NPR1: variants seen among roughly 807,000 people sequenced by gnomAD.
The protein encoded by NPR1 is natriuretic peptide receptor 1.
NPR1 carries 57 observed loss-of-function variants against 116.9 expected under a neutral mutation model. That is an observed-to-expected ratio of 0.49 (90% CI 0.39 to 0.61). NPR1 has a LOEUF of 0.61. Among genes scored for constraint, NPR1 ranks in the 20% least tolerant of loss-of-function variants. NPR1 has a pLI of 0.00. For missense variants in NPR1, 1,096 were observed against 1,409.8 expected (o/e 0.78, Z 3.56); for synonymous variants, 555 against 601.6 (o/e 0.92, Z 1.13).
intron 7 of NPR1, among the ~76,000 whole-genome samples, chr1:153,684,333 G>T (rs1301542661): frequency 3.3e-5 from 5 of 151,598 alleles, no homozygotes; most frequent in Admixed American, 3.3e-4. Context: ...AATCACTGCT[G>T]GTTGAGCATA....
Position 153,679,236 on chromosome 1 carries a change from T to C in NPR1, c.128T>C (p.Leu43Pro), listed in dbSNP as rs1380553055. The C allele has an allele frequency of 6.6e-7, 1 of 1,526,376 alleles. No individual in the cohort carries two copies. Among genetic ancestry groups the C allele is most frequent in the Non-Finnish European group, 8.8e-7 (1 of 1,141,420 alleles). 94.6% of individuals were successfully genotyped at this position (1,526,376 alleles called of 1,614,324 possible). Residue 43 changes from leucine to proline, a missense_variant, in exon 1 of 22, where the codon CTG becomes CCG. Transcript: ENST00000368680. The surrounding 1 kb of genome is among the most constrained non-coding windows in gnomAD (Gnocchi z 4.2). ...GNLTVAVVLP[L>P]ANTSYPWSWA... ...CTGACGGTAGCCGTGGTACTGCCGC[T>C]GGCCAATACCTCGTACCCCTGGTCG...
In NPR1 at chr1:153,679,791, A is replaced by G; in HGVS notation, c.683A>G (p.Tyr228Cys). The G allele has an allele frequency of 6.4e-7, 1 of 1,552,816 alleles. No homozygotes were observed. Among genetic ancestry groups the G allele is most frequent in the Non-Finnish European group, 8.7e-7 (1 of 1,153,342 alleles). Residue 228 changes from tyrosine to cysteine, a missense_variant, in exon 1 of 22, where the codon TAC becomes TGC. Tyr to Cys is a radical substitution (Grantham distance 194, BLOSUM62 -2). Coordinates refer to ENST00000368680, the MANE Select transcript of NPR1 (RefSeq NM_000906.4). The surrounding 1 kb of genome is among the most constrained non-coding windows in gnomAD (Gnocchi z 4.2). ...TTCGCCGAGGACGACCTCAGCCACT[A>G]CACCAGGCTGCTGCGGACCATGCCG... Reference protein sequence around the residue: ...LEFAEDDLSHYTRLLRTMPRK... With the variant: ...LEFAEDDLSHCTRLLRTMPRK...
Position 153,682,578 on chromosome 1 carries a change from G to T in NPR1, c.1252G>T (p.Gly418Cys). The T allele has an allele frequency of 6.2e-7, 1 of 1,613,452 alleles. No individual in the cohort carries two copies. The highest frequency in any genetic ancestry group is 8.5e-7 in the Non-Finnish European group (1 of 1,179,476). The change falls in exon 5 of 22, where the codon GGT (glycine) becomes TGT (cysteine). Residue 418 changes from glycine to cysteine, a missense_variant. By Grantham distance (159) the Gly-to-Cys change is radical. Coordinates refer to ENST00000368680, the MANE Select transcript of NPR1 (RefSeq NM_000906.4). ...FSLWDMDPEN[G>C]AFRVVLNYNG... ...CCTCTGGGATATGGATCCCGAGAATGGTGCCTTCAGGGTAAGTTTGTGCAC... is the reference window on the plus strand; with the variant it reads ...CCTCTGGGATATGGATCCCGAGAATTGTGCCTTCAGGGTAAGTTTGTGCAC...
chr1:153,691,848 G>T (rs979497528), intron 20 of NPR1, among the ~76,000 whole-genome samples: 1 of 151,192 alleles, frequency 6.6e-6, no homozygotes, highest in African/African-American at 2.4e-5. Context: ...GCAGTGAGCC[G>T]AGACTGCACC....
intron 20 of NPR1, among the ~76,000 whole-genome samples, chr1:153,691,441 T>C (rs1571354299): frequency 6.6e-6 from 1 of 152,332 alleles, no homozygotes; most frequent in South Asian, 2.1e-4. Context: ...GAGAAATTCA[T>C]GTGGACCCCA....
intron 2 of NPR1, chr1:153,680,954 C>A (rs534939534): frequency 3.4e-6 from 2 of 596,014 alleles, no homozygotes; most frequent in Admixed American, 6.0e-5. Context: ...GGGCTTGAGG[C>A]GGGAGGAGGA....
At chr1:153,684,318 A>G (rs1204678654) in intron 7 of NPR1, among the ~76,000 whole-genome samples, 1 of 151,058 alleles carries the variant, frequency 6.6e-6, no homozygotes, top group East Asian at 2.0e-4. Context: ...GAGGGAGGGG[A>G]GAAAAATCAC....
chr1:153,690,162 C>T (rs933874259), intron 19 of NPR1, 122 bp from the exon 20 acceptor site: 2 of 818,808 alleles, frequency 2.4e-6, no homozygotes, highest in African/African-American at 1.7e-5. Context: ...CACACACACA[C>T]ACACAGAGCT....
At chr1:153,681,136 TAGTC>T (rs754144918) in intron 2 of NPR1, 40 bp from the exon 3 acceptor site, 1 of 1,221,094 alleles carries the variant, frequency 8.2e-7, no homozygotes, top group African/African-American at 1.5e-5. Context: ...TACTAGGGAA[TAGTC>T]AGCTCCCAAC....
At chr1:153,688,899 G>T (rs1201172775) in intron 15 of NPR1, 54 bp from the exon 16 acceptor site, 8 of 481,958 alleles carry the variant, frequency 1.7e-5, no homozygotes, top group East Asian at 4.3e-4. Context: ...GGGCGCTCAC[G>T]GTAGGCTGTG....
rs755769269 is a variant in NPR1, at chr1:153,689,501, G to A, written c.2737G>A (p.Asp913Asn). 3 of 1,614,140 alleles carry A rather than the reference G, an allele frequency of 1.9e-6. No individual in the cohort carries two copies. Among genetic ancestry groups the A allele is most frequent in the Non-Finnish European group, 2.5e-6 (3 of 1,180,016 alleles). The stretch of plus-strand genomic sequence containing the variant: ...GTACACTTGCTTTGATGCTGTCATA[G>A]ACAACTTTGATGTGTACAAGGTGAG... ...DLYTCFDAVI[D>N]NFDVYKVETI... The change falls in exon 18 of 22, where the codon GAC becomes AAC. Residue 913 changes from aspartate (D) to asparagine (N), a missense_variant. By Grantham distance (23) the Asp-to-Asn change is conservative (BLOSUM62 1). Transcript: ENST00000368680. This position sits in a 1 kb window ranked among gnomAD's most constrained non-coding sequence, Gnocchi z 5.1.
chr1:153,688,954 G>T lies in NPR1; in HGVS notation c.2419G>T (p.Glu807Ter). 1.9e-6 allele frequency: 3 copies of T among 1,614,042 alleles called. No homozygotes were observed. The Middle Eastern group carries it at 5.0e-4, about 266-fold the overall frequency. The change falls in exon 16 of 22, where the codon GAG becomes TAG. Residue 807 changes from glutamate (E) to a stop codon, truncating the protein, a stop_gained and splice_region_variant. Coordinates refer to ENST00000368680, the MANE Select transcript of NPR1 (RefSeq NM_000906.4). LOFTEE classifies it high-confidence loss of function. ...CCCACCGCCACCCTCTGCCCCCAGG[G>T]AGAACAGCAGCAACATCCTGGACAA... ...IRLTLRKFNRENSSNILDNLL... is the reference protein window; with the variant it reads ...IRLTLRKFNR
In NPR1 at chr1:153,682,646, C is replaced by T. The variant is rs989961841; in HGVS notation, c.1263+57C>T. The T allele has an allele frequency of 3.1e-5, 41 of 1,313,990 alleles. 1 individual carries two copies. The South Asian group carries it at 4.4e-4, about 14-fold the overall frequency. 81.4% of individuals were successfully genotyped at this position (1,313,990 alleles called of 1,614,324 possible). ...TTCCAAATGACATCTCACCCTCCTA[C>T]TTCCCCCCCACAGCCCTGCCAGGGC... On this transcript the variant is annotated intron_variant, in intron 5 of 21. Transcript: ENST00000368680.
In NPR1 at chr1:153,690,942, C is replaced by CAAAAAAA. The variant is rs57820357; in HGVS notation, c.3031+581_3031+587dup. On this transcript the variant is annotated intron_variant, in intron 20 of 21. Transcript: ENST00000368680. ...GGGCAATAAGAGTTAAACTCTGTCT[C>CAAAAAAA]AAAAAAAAAAAAAAAAAAAAAAAAA... 3.1e-3 allele frequency among the ~76,000 whole-genome samples: 158 copies of CAAAAAAA among 51,320 alleles called. 1 individual carries two copies. Among genetic ancestry groups the CAAAAAAA allele is most frequent in the African/African-American group, 0.011 (155 of 14,288 alleles). 33.7% of individuals were successfully genotyped at this position (51,320 alleles called of 152,430 possible). A position where few individuals can be genotyped will look rare whatever the true frequency, so the allele number is the denominator to read the frequency against.
intron 15 of NPR1, 130 bp downstream of exon 15, chr1:153,688,351 C>G (rs61758570): frequency 6.6e-6 from 6 of 915,206 alleles, no homozygotes; most frequent in Non-Finnish European, 9.9e-6. Context: ...ACATAGTCAG[C>G]TCCAGCTCAG....
Position 153,680,662 on chromosome 1 carries a change from G to C in NPR1, c.883G>C (p.Gly295Arg). The C allele has an allele frequency of 6.2e-7, 1 of 1,613,990 alleles. No homozygotes were observed. Among genetic ancestry groups the C allele is most frequent in the Non-Finnish European group, 8.5e-7 (1 of 1,179,924 alleles). Residue 295 changes from glycine (G) to arginine (R), a missense_variant, in exon 2 of 22, where the codon GGG becomes CGG. Physicochemically the swap from Gly to Arg is moderately radical, Grantham distance 125. Transcript: ENST00000368680. ...GPAPRRPWER[G>R]DGQDVSARQA... ...TGCTCCCCGCAGGCCCTGGGAGAGA[G>C]GGGATGGGCAGGATGTCAGTGCCCG...
At chr1:153,692,450 C>T (rs922134735) in intron 20 of NPR1, among the ~76,000 whole-genome samples, 2 of 151,568 alleles carry the variant, frequency 1.3e-5, no homozygotes, top group African/African-American at 4.8e-5. Context: ...ATACAGTAGC[C>T]TCTAGGCACA....
chr1:153,686,993 T>C, intron 11 of NPR1, 23 bp from the exon 12 acceptor site: 2 of 1,613,278 alleles, frequency 1.2e-6, no homozygotes, highest in Non-Finnish European at 1.7e-6. Context: ...AGGGGATTGG[T>C]CTGACTCTTA....
chr1:153,689,862 G>A lies in NPR1; in HGVS notation c.2814G>A (p.Gly938=). 1.3e-6 allele frequency: 2 copies of A among 1,593,064 alleles called. No individual in the cohort carries two copies. The highest frequency in any genetic ancestry group is 8.6e-7 in the Non-Finnish European group (1 of 1,167,566). ...TGTCAGGGCTCCCTGTGCGGAACGG[G>A]CGGCTACACGCCTGCGAGGTAGCCC... ...MVVSGLPVRN[G]RLHACEVARM... The change falls in exon 19 of 22, where the codon GGG becomes GGA. Residue 938 remains glycine, a synonymous_variant. Transcript: ENST00000368680. This position sits in a 1 kb window ranked among gnomAD's most constrained non-coding sequence, Gnocchi z 5.1.
Sources: allele counts gnomAD v4.1 joint callset (sites outside exome capture counted in the v4.1 genomes callset), GRCh38; gene constraint gnomAD v4.1.1; non-coding constraint Gnocchi (gnomAD v3.1); transcripts MANE v1.5; gene names NCBI Gene and HGNC (gene_info 2026-07-23, HGNC 2026-07-21).